Variants in CAMTA1 observed in about 807,000 individuals in gnomAD.
The protein encoded by CAMTA1 is calmodulin binding transcription activator 1.
CAMTA1 carries 27 observed loss-of-function variants against 170.9 expected under a neutral mutation model. That is an observed-to-expected ratio of 0.16 (90% CI 0.12 to 0.22). The LOEUF (loss-of-function observed/expected upper bound fraction) is 0.22. Ranked by LOEUF, CAMTA1 falls within the 10% of genes least tolerant of loss-of-function variation. The pLI, the probability that CAMTA1 is intolerant of heterozygous loss-of-function variation, is 1.00. For missense variants in CAMTA1, 1,619 were observed against 2,217.2 expected, an observed-to-expected ratio of 0.73 and a Z score of 5.42; for synonymous variants, 833 against 891.5, an observed-to-expected ratio of 0.93 and a Z score of 1.17.
chr1:7,404,525 G>A (rs2090148473), intron 5 of CAMTA1, among the ~76,000 whole-genome samples: 2 of 152,366 alleles, frequency 1.3e-5, no homozygotes, highest in South Asian at 2.1e-4. Context: ...GATGGGAAAT[G>A]TGAGCTCTGG....
intron 3 of CAMTA1, among the ~76,000 whole-genome samples, chr1:6,831,717 A>C (rs764010071): frequency 2.6e-5 from 4 of 152,216 alleles, no homozygotes; most frequent in Admixed American, 2.0e-4. Context: ...TCTCTAGAGT[A>C]AGCAAACAAA....
chr1:7,504,876 G>A (rs1287219497), intron 6 of CAMTA1, among the ~76,000 whole-genome samples: 1 of 152,238 alleles, frequency 6.6e-6, no homozygotes, highest in Non-Finnish European at 1.5e-5. Context: ...CCACCTCACT[G>A]GGCAGAATCA....
chr1:6,968,653 C>T (rs745849509), intron 3 of CAMTA1, among the ~76,000 whole-genome samples: 1 of 151,890 alleles, frequency 6.6e-6, no homozygotes, highest in African/African-American at 2.4e-5. Context: ...CTGTTCAGGA[C>T]GTATCATCCA....
At chr1:7,616,504 G>C (rs572196073) in intron 6 of CAMTA1, among the ~76,000 whole-genome samples, 89 of 152,366 alleles carry the variant, frequency 5.8e-4, no homozygotes, top group African/African-American at 2.1e-3. Flanking sequence ...CGAAGGCCAA[G>C]TCTCTTAAAG....
chr1:7,696,829 G>A lies in CAMTA1; in HGVS notation c.2914+19096G>A, dbSNP rs185463909. On this transcript the variant is annotated intron_variant, in intron 11 of 22. Transcript: ENST00000303635. ...CCGTGGCAGCCCATACACTCTGCACGGGAGGATCTGTGAGCCCTTAGCCAG... is the reference window on the plus strand; with the variant it reads ...CCGTGGCAGCCCATACACTCTGCACAGGAGGATCTGTGAGCCCTTAGCCAG... Among the ~76,000 whole-genome samples, 5 of 152,264 alleles carry A rather than the reference G, an allele frequency of 3.3e-5. No individual in the cohort carries two copies. In the East Asian group the frequency reaches 5.8e-4, roughly 18 times the overall value.
chr1:6,975,997 G>A, intron 3 of CAMTA1, among the ~76,000 whole-genome samples: 1 of 152,174 alleles, frequency 6.6e-6, no homozygotes, highest in East Asian at 1.9e-4. Flanking sequence ...CCTTTCCGCT[G>A]CTGAGTGACA....
chr1:7,082,895 C>T (rs1171238660), intron 3 of CAMTA1, among the ~76,000 whole-genome samples: 1 of 152,150 alleles, frequency 6.6e-6, no homozygotes, highest in Non-Finnish European at 1.5e-5. Context: ...TGTGATAGCC[C>T]TGGATCCTGC....
chr1:7,226,251 G>A (rs1274633935), intron 4 of CAMTA1, among the ~76,000 whole-genome samples: 1 of 151,870 alleles, frequency 6.6e-6, no homozygotes, highest in African/African-American at 2.4e-5. Context: ...TTCCCGCCCC[G>A]CCACCTCACC....
chr1:7,548,396 C>T (rs1205733279), intron 6 of CAMTA1, among the ~76,000 whole-genome samples: 2 of 151,732 alleles, frequency 1.3e-5, no homozygotes, highest in South Asian at 2.1e-4. Flanking sequence ...GGAGGGCACC[C>T]CTTAAGGGTG....
intron 4 of CAMTA1, among the ~76,000 whole-genome samples, chr1:7,094,833 C>A (rs1041924677): frequency 1.3e-5 from 2 of 152,138 alleles, no homozygotes; most frequent in East Asian, 1.9e-4. Context: ...CCCTGCGGAA[C>A]GTGTTTTTTT....
At chr1:7,404,353 A>G (rs1196039489) in intron 5 of CAMTA1, among the ~76,000 whole-genome samples, 1 of 152,034 alleles carries the variant, frequency 6.6e-6, no homozygotes, top group Non-Finnish European at 1.5e-5. Flanking sequence ...CCAACACCCA[A>G]CACCCTATTC....
chr1:7,045,563 C>T (rs974970415), intron 3 of CAMTA1, among the ~76,000 whole-genome samples: 2 of 152,160 alleles, frequency 1.3e-5, no homozygotes, highest in Non-Finnish European at 2.9e-5. Context: ...CCATTAGAGC[C>T]GTTACATCCT....
chr1:6,812,911 G>A (rs762617962), intron 1 of CAMTA1, among the ~76,000 whole-genome samples: 2 of 152,202 alleles, frequency 1.3e-5, no homozygotes, highest in Non-Finnish European at 2.9e-5. Context: ...AATTCTAGGT[G>A]TTGAACTCAA....
At chr1:6,874,410 A>G (rs1273119104) in intron 3 of CAMTA1, 1 of 152,266 alleles carries the variant, frequency 6.6e-6, no homozygotes, top group East Asian at 1.9e-4. Flanking sequence ...AATAGTACCC[A>G]CTAAAGGATC....
intron 3 of CAMTA1, among the ~76,000 whole-genome samples, chr1:6,959,756 T>G (rs1013248): frequency 0.5 from 75,552 of 152,066 alleles, 19,119 homozygotes; most frequent in East Asian, 0.63. Flanking sequence ...TACGTTGCTC[T>G]TGTAAGGTCA....
At chr1:6,842,679 T>C (rs767924636) in intron 3 of CAMTA1, among the ~76,000 whole-genome samples, 15 of 152,158 alleles carry the variant, frequency 9.9e-5, no homozygotes, top group Non-Finnish European at 1.5e-4. Flanking sequence ...CCCAGCACTT[T>C]GGGAGGCCGA....
intron 5 of CAMTA1, among the ~76,000 whole-genome samples, chr1:7,404,735 G>A (rs1219550286): frequency 9.9e-5 from 15 of 152,156 alleles, no homozygotes; most frequent in African/African-American, 3.4e-4. Context: ...CCGCCTACGG[G>A]AAAGGAAGAG....
intron 3 of CAMTA1, among the ~76,000 whole-genome samples, chr1:6,867,215 T>C (rs1295504749): frequency 2.0e-5 from 3 of 152,210 alleles, no homozygotes; most frequent in Non-Finnish European, 4.4e-5. Context: ...CGATTCCTTC[T>C]GCCCACCCTT....
chr1:7,358,575 G>C (rs1299192874), intron 5 of CAMTA1, among the ~76,000 whole-genome samples: 2 of 152,134 alleles, frequency 1.3e-5, no homozygotes, highest in Non-Finnish European at 2.9e-5. Context: ...AGCCCCGGCT[G>C]CTCCTTCATC....
Sources: allele counts gnomAD v4.1 joint callset (sites outside exome capture counted in the v4.1 genomes callset), GRCh38; gene constraint gnomAD v4.1.1; transcripts MANE v1.5; gene names NCBI Gene and HGNC (gene_info 2026-07-23, HGNC 2026-07-21).